BIN1: variants seen among roughly 807,000 people sequenced by gnomAD.
The protein encoded by BIN1 is myc box-dependent-interacting protein 1.
In BIN1, 53 loss-of-function variants were observed where a neutral mutation model predicts 82.0. The ratio of observed to expected loss-of-function variants is 0.65; its 90% CI spans 0.52 to 0.81. The LOEUF (loss-of-function observed/expected upper bound fraction) is 0.81, where lower values mean the gene tolerates loss of function less well. Ranked by LOEUF, BIN1 falls within the 40% of genes least tolerant of loss-of-function variation. The pLI is 0.00. For synonymous variants in BIN1, 302 were observed against 328.0 expected (o/e 0.92, Z 0.86); for missense variants, 642 against 784.4 (o/e 0.82, Z 2.17).
chr2:127,051,675 C>G (rs1243127947), intron 15 of BIN1, among the ~76,000 whole-genome samples: 1 of 152,218 alleles, frequency 6.6e-6, no homozygotes, highest in South Asian at 2.1e-4. Context: ...ACACATCTGT[C>G]CCAGCCTGAG....
intron 1 of BIN1, among the ~76,000 whole-genome samples, chr2:127,104,155 A>G (rs1558894598): frequency 6.6e-6 from 1 of 152,254 alleles, no homozygotes. Flanking sequence ...ATGGCAGAGA[A>G]CAAACAACAC....
chr2:127,105,382 G>A (rs1680909278), intron 1 of BIN1, among the ~76,000 whole-genome samples: 1 of 151,928 alleles, frequency 6.6e-6, no homozygotes, highest in Non-Finnish European at 1.5e-5. Flanking sequence ...CCCGGAGCAG[G>A]GGTGGCTGCA....
rs1684191113 is a variant in BIN1, at chr2:127,059,715, G to A, written c.858-560C>T. 6.6e-6 allele frequency among the ~76,000 whole-genome samples: 1 copy of A among 152,164 alleles called. No homozygotes were observed. The highest frequency in any genetic ancestry group is 1.5e-5 in the Non-Finnish European group (1 of 68,018). On this transcript the variant is annotated intron_variant, in intron 10 of 18. Coordinates refer to ENST00000316724, the MANE Select transcript of BIN1 (RefSeq NM_139343.3). This position sits in a 1 kb window ranked among gnomAD's most constrained non-coding sequence, Gnocchi z 6.7. ...CTGCTGGAGGCCACAAGCAGGGCCTGGACAAACTAAGAGAGGCGTCCTCAT... is the reference window on the plus strand; with the variant it reads ...CTGCTGGAGGCCACAAGCAGGGCCTAGACAAACTAAGAGAGGCGTCCTCAT...
intron 1 of BIN1, among the ~76,000 whole-genome samples, chr2:127,097,800 G>A (rs1271224074): frequency 2.6e-5 from 4 of 151,824 alleles, no homozygotes; most frequent in South Asian, 2.1e-4. Flanking sequence ...CAAGGGCCCT[G>A]GGCTACAGCC....
At chr2:127,060,152 C>T (rs1422848083) in intron 10 of BIN1, among the ~76,000 whole-genome samples, 1 of 152,170 alleles carries the variant, frequency 6.6e-6, no homozygotes, top group Non-Finnish European at 1.5e-5. Flanking sequence ...TCGCTGACAC[C>T]ATCTTTCCTT....
rs567341227 is a variant in BIN1 at position 127,087,723 on chromosome 2, G to T, written c.85-11017C>A. On this transcript the variant is annotated intron_variant, in intron 1 of 18. Coordinates refer to ENST00000316724, the MANE Select transcript of BIN1 (RefSeq NM_139343.3). ...GGAGGCGTTTCACAGTGAGGAAACCGAGAGTCCCATGTCAGTAAGCAATGA... is the reference window on the plus strand; with the variant it reads ...GGAGGCGTTTCACAGTGAGGAAACCTAGAGTCCCATGTCAGTAAGCAATGA... 3.9e-5 allele frequency among the ~76,000 whole-genome samples: 6 copies of T among 152,304 alleles called. No individual in the cohort carries two copies. The South Asian group carries it at 1.0e-3, about 26-fold the overall frequency.
chr2:127,099,351 T>C lies in BIN1; in HGVS notation c.84+7509A>G, dbSNP rs80115947. On this transcript the variant is annotated intron_variant, in intron 1 of 18. Coordinates refer to ENST00000316724, the MANE Select transcript of BIN1 (RefSeq NM_139343.3). ...CCCCAGGAAGTCTTCCCAGGGTGCA[T>C]GTGTGTGTGTGTGTGTGTGTGGTAG... Among the ~76,000 whole-genome samples, 12 of 80,538 alleles carry C rather than the reference T, an allele frequency of 1.5e-4. No individual in the cohort carries two copies. The East Asian group carries it at 3.6e-3, about 24-fold the overall frequency. 52.8% of individuals were successfully genotyped at this position (80,538 alleles called of 152,430 possible).
chr2:127,099,002 G>A (rs544976638), intron 1 of BIN1, among the ~76,000 whole-genome samples: 35 of 152,336 alleles, frequency 2.3e-4, no homozygotes, highest in Middle Eastern at 3.4e-3. Context: ...GTGTGATGAG[G>A]AGCGATCCTG....
Position 127,069,980 on chromosome 2 carries a change from A to C in BIN1, c.411+15T>G. The C allele has an allele frequency of 6.2e-7, 1 of 1,613,516 alleles. No homozygotes were observed. The highest frequency in any genetic ancestry group is 1.1e-5 in the South Asian group (1 of 91,062). ...CCAGGCCAGAGCAGGGCAGATCTGC[A>C]AGTGGGTCTCTCACCTTGATGTCGG... On this transcript the variant is annotated intron_variant, in intron 5 of 18. Transcript: ENST00000316724.
chr2:127,100,383 G>A (rs904604870), intron 1 of BIN1, among the ~76,000 whole-genome samples: 102 of 152,294 alleles, frequency 6.7e-4, no homozygotes, highest in African/African-American at 2.4e-3. Flanking sequence ...TTCACCATCA[G>A]GGCTTTATGC....
chr2:127,096,052 C>T (rs1455956424), intron 1 of BIN1, among the ~76,000 whole-genome samples: 5 of 152,178 alleles, frequency 3.3e-5, no homozygotes, highest in Non-Finnish European at 2.9e-5. Context: ...GCAGGTTCCT[C>T]CAGTGAGCAA....
chr2:127,086,046 A>ATC (rs1678113606), intron 1 of BIN1, among the ~76,000 whole-genome samples: 1 of 152,048 alleles, frequency 6.6e-6, no homozygotes, highest in Admixed American at 6.5e-5. Context: ...CCACCAGGGA[A>ATC]TCTCTCCTCC....
At chr2:127,101,005 G>T (rs11674295) in intron 1 of BIN1, among the ~76,000 whole-genome samples, 28,090 of 116,414 alleles carry the variant, frequency 0.24, 5,833 homozygotes, top group Non-Finnish European at 0.33. Context: ...TGTGCGGGGG[G>T]TGGGGATAGA....
rs1432074259 is a variant in BIN1, at chr2:127,090,310, C to G, written c.85-13604G>C. Among the ~76,000 whole-genome samples, 1 of 152,234 alleles carries G rather than the reference C, an allele frequency of 6.6e-6. No individual in the cohort carries two copies. The highest frequency in any genetic ancestry group is 1.5e-5 in the Non-Finnish European group (1 of 68,032). On this transcript the variant is annotated intron_variant, in intron 1 of 18. Transcript: ENST00000316724. The surrounding 1 kb of genome is among the most constrained non-coding windows in gnomAD (Gnocchi z 6.4). Reference sequence around the variant, plus strand: ...CAACCCGCTGTGGCCACATGAGGAGCCCTGATGGGCCTTGCTACTACTCCA... The same window carrying G: ...CAACCCGCTGTGGCCACATGAGGAGGCCTGATGGGCCTTGCTACTACTCCA...
At chr2:127,079,386 C>T (rs770399609) in intron 1 of BIN1, among the ~76,000 whole-genome samples, 86 of 152,322 alleles carry the variant, frequency 5.6e-4, no homozygotes, top group Non-Finnish European at 1.0e-3. Flanking sequence ...CAAGAAATGG[C>T]AAATCCCTAA....
intron 12 of BIN1, chr2:127,056,190 A>G (rs1683642050): frequency 6.6e-6 from 1 of 152,276 alleles, no homozygotes; most frequent in Non-Finnish European, 1.5e-5. Context: ...GCCAGTGTCC[A>G]TGCCATCCCG....
Position 127,059,785 on chromosome 2 carries a change from C to A in BIN1, c.858-630G>T, listed in dbSNP as rs940387481. Among the ~76,000 whole-genome samples, 1 of 152,114 alleles carries A rather than the reference C, an allele frequency of 6.6e-6. No individual in the cohort carries two copies. The highest frequency in any genetic ancestry group is 2.4e-5 in the African/African-American group (1 of 41,422). On this transcript the variant is annotated intron_variant, in intron 10 of 18. Transcript: ENST00000316724. This position sits in a 1 kb window ranked among gnomAD's most constrained non-coding sequence, Gnocchi z 6.7. ...GGCGATGGAGGGGACAGGTCCTGAG[C>A]CATGGCGTTCAGTGCCAGAACCCAA... is the stretch of plus-strand genomic sequence containing the variant.
In BIN1 at chr2:127,082,833, C is replaced by A. The variant is rs375414442; in HGVS notation, c.85-6127G>T. On this transcript the variant is annotated intron_variant, in intron 1 of 18. Coordinates refer to ENST00000316724, the MANE Select transcript of BIN1 (RefSeq NM_139343.3). The surrounding 1 kb of genome is among the most constrained non-coding windows in gnomAD (Gnocchi z 6.1). Reference sequence around the variant, plus strand: ...CTCCCCACCTCTGGGTGGAGAGTCTCGGTGGCCTCCAACAATCTAGGTGCC... The same window carrying A: ...CTCCCCACCTCTGGGTGGAGAGTCTAGGTGGCCTCCAACAATCTAGGTGCC... Among the ~76,000 whole-genome samples, 2 of 150,266 alleles carry A rather than the reference C, an allele frequency of 1.3e-5. No individual in the cohort carries two copies. Among genetic ancestry groups the A allele is most frequent in the East Asian group, 2.0e-4 (1 of 5,004 alleles).
rs542600143 is a variant in BIN1, at chr2:127,053,223, C to G, written c.1263+199G>C. ...GAAGATCCCCTTTTCCAAGGGCCTG[C>G]CAGAGGGAGAAGCAGCAGAATGGCT... On this transcript the variant is annotated intron_variant, in intron 14 of 18. Coordinates refer to ENST00000316724, the MANE Select transcript of BIN1 (RefSeq NM_139343.3). The G allele has an allele frequency of 2.4e-5, 18 of 740,060 alleles. No homozygotes were observed. The African/African-American group carries it at 2.8e-4, about 11-fold the overall frequency. 45.8% of individuals were successfully genotyped at this position (740,060 alleles called of 1,614,324 possible).
Sources: gnomAD v4.1 joint callset for allele counts (sites outside exome capture counted in the v4.1 genomes callset) on GRCh38, gnomAD v4.1.1 for gene constraint, Gnocchi (gnomAD v3.1) non-coding constraint, MANE v1.5 for transcripts, NCBI Gene and HGNC (gene_info 2026-07-23, HGNC 2026-07-21) for gene names.